Variants in MPHOSPH8 observed in about 807,000 individuals in gnomAD.
The protein encoded by MPHOSPH8 is M-phase phosphoprotein, mpp.
Under a neutral mutation model 87.3 loss-of-function variants are expected in MPHOSPH8, and 45 were observed. The observed-to-expected ratio is 0.52, with a 90% CI of 0.41 to 0.66. The LOEUF is 0.66. Among genes scored for constraint, MPHOSPH8 ranks in the 30% least tolerant of loss-of-function variants. MPHOSPH8 has a pLI of 0.00. For synonymous variants in MPHOSPH8, 366 were observed against 376.9 expected (o/e 0.97, Z 0.33); for missense variants, 883 against 1,020.2 (o/e 0.87, Z 1.83).
At chr13:19,634,694 T>C (rs1279671616) in intron 1 of MPHOSPH8, among the ~76,000 whole-genome samples, 1 of 152,196 alleles carries the variant, frequency 6.6e-6, no homozygotes, top group Non-Finnish European at 1.5e-5. Context: ...TCTTTTTACT[T>C]TTTGTATTGA....
intron 4 of MPHOSPH8, 94 bp downstream of exon 4, chr13:19,648,615 T>G (rs1204488371): frequency 2.0e-6 from 1 of 506,162 alleles, no homozygotes. Context: ...TTTATATAAT[T>G]TTTTTTCCTT....
Position 19,652,514 on chromosome 13 carries a change from G to A in MPHOSPH8, c.1576+2254G>A, listed in dbSNP as rs1004251941. 6.6e-5 allele frequency among the ~76,000 whole-genome samples: 10 copies of A among 152,284 alleles called. No individual in the cohort carries two copies. The South Asian group carries it at 1.7e-3, about 25-fold the overall frequency. ...ACAAAACTGGGTGGCTGTTTGGGCCGACACTGAGCTAGCTGCAGAAGTTTT... is the reference window on the plus strand; with the variant it reads ...ACAAAACTGGGTGGCTGTTTGGGCCAACACTGAGCTAGCTGCAGAAGTTTT... On this transcript the variant is annotated intron_variant, in intron 5 of 13. Coordinates refer to ENST00000361479, the MANE Select transcript of MPHOSPH8 (RefSeq NM_017520.4).
rs754005233 is a variant in MPHOSPH8 at position 19,646,425 on chromosome 13, C to T, written c.370-18C>T. 1 of 1,397,748 alleles carries T rather than the reference C, an allele frequency of 7.2e-7. No homozygotes were observed. Among genetic ancestry groups the T allele is most frequent in the Non-Finnish European group, 9.4e-7 (1 of 1,069,180 alleles). 86.6% of individuals were successfully genotyped at this position (1,397,748 alleles called of 1,614,324 possible). A position where few individuals can be genotyped will look rare whatever the true frequency, so the allele number is the denominator to read the frequency against. The stretch of plus-strand genomic sequence containing the variant: ...TCAATATGTTAATGAATATTTTAAT[C>T]TGTTTTGTATTTTATAGAGACTATC... On this transcript the variant is annotated intron_variant, in intron 2 of 13. Coordinates refer to ENST00000361479, the MANE Select transcript of MPHOSPH8 (RefSeq NM_017520.4).
Position 19,671,022 on chromosome 13 carries a change from T to C in MPHOSPH8, c.2458-184T>C, listed in dbSNP as rs989125067. On this transcript the variant is annotated intron_variant, in intron 12 of 13. Transcript: ENST00000361479. The stretch of plus-strand genomic sequence containing the variant: ...TTTTTGTAGAGATGGGGTTTCACCA[T>C]GTTGGCCAGGCTGGTCTCAAACTTC... 10 of 1,340,510 alleles carry C rather than the reference T, an allele frequency of 7.5e-6. No individual in the cohort carries two copies. The African/African-American group carries it at 1.5e-4, about 20-fold the overall frequency. The allele number at this position is 1,340,510 out of a possible 1,614,324, so 83.0% of individuals were successfully genotyped here. A position where few individuals can be genotyped will look rare whatever the true frequency, so the allele number is the denominator to read the frequency against.
At chr13:19,660,269 C>T (rs989008637) in intron 7 of MPHOSPH8, among the ~76,000 whole-genome samples, 9 of 151,826 alleles carry the variant, frequency 5.9e-5, no homozygotes, top group African/African-American at 1.9e-4. Flanking sequence ...CGCCTGGCCA[C>T]GTATGGATTT....
At chr13:19,634,539 TC>T (rs1374554845) in intron 1 of MPHOSPH8, among the ~76,000 whole-genome samples, 3 of 152,168 alleles carry the variant, frequency 2.0e-5, no homozygotes, top group Admixed American at 6.5e-5. Flanking sequence ...CCTTGGTGTT[TC>T]CTGTTCTCCT....
intron 11 of MPHOSPH8, among the ~76,000 whole-genome samples, chr13:19,669,110 A>G (rs532217849): frequency 1.3e-5 from 2 of 152,142 alleles, no homozygotes; most frequent in African/African-American, 2.4e-5. Flanking sequence ...TTCCTGGAAA[A>G]TGTATTTAAG....
chr13:19,670,152 G>A (rs543636754), intron 11 of MPHOSPH8, 84 bp from the exon 12 acceptor site: 1 of 1,539,162 alleles, frequency 6.5e-7, no homozygotes, highest in East Asian at 2.3e-5. Context: ...CCAGCTCAGG[G>A]GCCTGCTTCC....
Position 19,650,220 on chromosome 13 carries a change from G to A in MPHOSPH8, c.1536G>A (p.Gln512=), listed in dbSNP as rs1874770440. The A allele has an allele frequency of 6.2e-7, 1 of 1,614,022 alleles. No homozygotes were observed. The part of the protein sequence containing the change: ...TWAYIAAEGD[Q]EVLDSVCQAD... The stretch of plus-strand genomic sequence containing the variant: ...CATACATTGCTGCAGAAGGTGATCA[G>A]GAGGTTTTAGACAGCGTGTGCCAAG... Residue 512 remains glutamine (Q), a synonymous_variant, in exon 5 of 14, where the codon CAG becomes CAA. Coordinates refer to ENST00000361479, the MANE Select transcript of MPHOSPH8 (RefSeq NM_017520.4).
chr13:19,668,795 G>A (rs541815135), intron 11 of MPHOSPH8, among the ~76,000 whole-genome samples: 42 of 149,600 alleles, frequency 2.8e-4, no homozygotes, highest in African/African-American at 9.8e-4. Context: ...AAAATTCAGC[G>A]TCAAGATTCT....
chr13:19,644,444 C>T (rs2137506921), intron 2 of MPHOSPH8, among the ~76,000 whole-genome samples: 1 of 152,368 alleles, frequency 6.6e-6, no homozygotes, highest in South Asian at 2.1e-4. Flanking sequence ...ACACATACTA[C>T]AGTCTCTCTT....
At chr13:19,657,780 A>G (rs1415299538) in intron 5 of MPHOSPH8, among the ~76,000 whole-genome samples, 1 of 152,096 alleles carries the variant, frequency 6.6e-6, no homozygotes, top group Admixed American at 6.5e-5. Context: ...TAAAGACCTC[A>G]TCTGTTCTGC....
Position 19,642,108 on chromosome 13 carries a change from A to G in MPHOSPH8, c.214-7A>G, listed in dbSNP as rs543180286. 3.8e-4 allele frequency: 528 copies of G among 1,404,988 alleles called. 4 individuals carry two copies. In the South Asian group the frequency reaches 7.6e-3, roughly 20 times the overall value. The allele number at this position is 1,404,988 out of a possible 1,614,324, so 87.0% of individuals were successfully genotyped here. On this transcript the variant is annotated splice_region_variant and splice_polypyrimidine_tract_variant and intron_variant, in intron 1 of 13. Coordinates refer to ENST00000361479, the MANE Select transcript of MPHOSPH8 (RefSeq NM_017520.4). Reference sequence around the variant, plus strand: ...CTTTATTTGCCTCCTTTTATTTTCTATAACAGGGTAAAGTTCTTTACAAAG... The same window carrying G: ...CTTTATTTGCCTCCTTTTATTTTCTGTAACAGGGTAAAGTTCTTTACAAAG...
chr13:19,664,144 AT>A (rs540398529), intron 9 of MPHOSPH8, among the ~76,000 whole-genome samples: 1 of 151,776 alleles, frequency 6.6e-6, no homozygotes, highest in African/African-American at 2.4e-5. Flanking sequence ...ACACCCAGCC[AT>A]TTTTTTTCTT....
At chr13:19,658,861 AC>A in intron 5 of MPHOSPH8, 133 bp from the exon 6 acceptor site, 1 of 1,055,912 alleles carries the variant, frequency 9.5e-7, no homozygotes, top group Non-Finnish European at 1.4e-6. Flanking sequence ...CAATTAAAAG[AC>A]CCCATTATAC....
chr13:19,671,259 C>A lies in MPHOSPH8; in HGVS notation c.2511C>A (p.Phe837Leu). 2 of 1,614,026 alleles carry A rather than the reference C, an allele frequency of 1.2e-6. No homozygotes were observed. The highest frequency in any genetic ancestry group is 1.7e-6 in the Non-Finnish European group (2 of 1,179,962). ...FSPVAGPNKL[F>L]IRLTEAPSAK... ...CTGTTGCAGGTCCCAATAAACTCTT[C>A]ATAAGGTTGACAGAAGCACCCTCTG... The change falls in exon 13 of 14, where the codon TTC becomes TTA. Residue 837 changes from phenylalanine to leucine, a missense_variant. This residue lies in a region of MPHOSPH8 where 741 missense variants were observed against 841.5 expected (regional missense o/e 0.88). Coordinates refer to ENST00000361479, the MANE Select transcript of MPHOSPH8 (RefSeq NM_017520.4).
In MPHOSPH8 at chr13:19,657,579, AAAG is replaced by A. The variant is rs571942887; in HGVS notation, c.1577-1413_1577-1411del. Among the ~76,000 whole-genome samples, 272 of 152,186 alleles carry A rather than the reference AAAG, an allele frequency of 1.8e-3. 3 individuals are homozygous for A. The highest frequency in any genetic ancestry group is 3.0e-3 in the Non-Finnish European group (205 of 67,974). ...AAGACTCCGTCTCAAAAAAAAAAGA[AAAG>A]AAAATCAAGCATATCAGGTCCAGAG... On this transcript the variant is annotated intron_variant, in intron 5 of 13. Coordinates refer to ENST00000361479, the MANE Select transcript of MPHOSPH8 (RefSeq NM_017520.4).
chr13:19,660,971 A>T, intron 7 of MPHOSPH8: 1 of 984,640 alleles, frequency 1.0e-6, no homozygotes, highest in Non-Finnish European at 1.2e-6. Flanking sequence ...GAAGATACAA[A>T]AATGAGAGCT....
At chr13:19,666,392 T>C (rs753119394) in intron 9 of MPHOSPH8, 33 bp from the exon 10 acceptor site, 1 of 1,581,030 alleles carries the variant, frequency 6.3e-7, no homozygotes, top group East Asian at 2.3e-5. Flanking sequence ...AGTTTACAGC[T>C]AAGTAATTGT....
Sources: gnomAD v4.1 joint callset for allele counts (sites outside exome capture counted in the v4.1 genomes callset) on GRCh38, gnomAD v4.1.1 for gene constraint, gnomAD v4.1.1 regional missense constraint, MANE v1.5 for transcripts, NCBI Gene and HGNC (gene_info 2026-07-23, HGNC 2026-07-21) for gene names.